ADGRB2: variants seen among roughly 807,000 people sequenced by gnomAD.
ADGRB2 encodes adhesion G protein-coupled receptor B2.
A neutral mutation model predicts 178.7 loss-of-function variants in ADGRB2; 47 were observed. That is an observed-to-expected ratio of 0.26 (90% CI 0.21 to 0.34). ADGRB2 has a LOEUF of 0.34. Ranked by LOEUF, ADGRB2 falls within the 10% of genes least tolerant of loss-of-function variation. The pLI is 1.00. For synonymous variants in ADGRB2, 870 were observed against 912.4 expected, an observed-to-expected ratio of 0.95 and a Z score of 0.84; for missense variants, 1,584 against 2,180.8, an observed-to-expected ratio of 0.73 and a Z score of 5.45.
In ADGRB2 at chr1:31,732,542, C is replaced by T; in HGVS notation, c.3695G>A (p.Cys1232Tyr). Reference sequence around the variant, plus strand: ...CAGGATCTGCAGCTGCCCGTTCTTACACGAGTCAGGGGAGTCTTCGCTCTC... The same window carrying T: ...CAGGATCTGCAGCTGCCCGTTCTTATACGAGTCAGGGGAGTCTTCGCTCTC... ...ADESEDSPDSCKNGQLQILSD... is the reference protein window; with the variant it reads ...ADESEDSPDSYKNGQLQILSD... The change falls in exon 27 of 33, where the codon TGT (cysteine) becomes TAT (tyrosine). Residue 1232 changes from cysteine (C) to tyrosine (Y), a missense_variant. Coordinates refer to ENST00000373658, the MANE Select transcript of ADGRB2 (RefSeq NM_001364857.2). 2 of 1,614,194 alleles carry T rather than the reference C, an allele frequency of 1.2e-6. No homozygotes were observed. The highest frequency in any genetic ancestry group is 1.7e-6 in the Non-Finnish European group (2 of 1,180,034).
rs1645415934 is a variant in ADGRB2, at chr1:31,733,637, G to C, written c.3453-494C>G. 6.6e-6 allele frequency among the ~76,000 whole-genome samples: 1 copy of C among 152,126 alleles called. No homozygotes were observed. Among genetic ancestry groups the C allele is most frequent in the Non-Finnish European group, 1.5e-5 (1 of 68,016 alleles). On this transcript the variant is annotated intron_variant, in intron 25 of 32. Transcript: ENST00000373658. This position sits in a 1 kb window ranked among gnomAD's most constrained non-coding sequence, Gnocchi z 4.3. Reference sequence around the variant, plus strand: ...GATTAAACAGGCAGAGCACGCGGGGGACATCCAGAGCACGAATCCTCAGGG... The same window carrying C: ...GATTAAACAGGCAGAGCACGCGGGGCACATCCAGAGCACGAATCCTCAGGG...
chr1:31,749,204 T>C (rs1057228580), intron 4 of ADGRB2, among the ~76,000 whole-genome samples: 2 of 152,172 alleles, frequency 1.3e-5, no homozygotes, highest in Non-Finnish European at 2.9e-5. Flanking sequence ...TTCTCCTCTG[T>C]GTAACCTCCA....
chr1:31,762,409 A>G (rs1401970484), intron 1 of ADGRB2, among the ~76,000 whole-genome samples: 1 of 152,090 alleles, frequency 6.6e-6, no homozygotes, highest in Non-Finnish European at 1.5e-5. Context: ...AACCGACTCC[A>G]TGCGCAAGCC....
rs1646892177 is a variant in ADGRB2 at position 31,757,391 on chromosome 1, T to G, written c.-70A>C. 1 of 894,172 alleles carries G rather than the reference T, an allele frequency of 1.1e-6. No individual in the cohort carries two copies. Among genetic ancestry groups the G allele is most frequent in the Admixed American group, 2.0e-5 (1 of 50,852 alleles). 55.4% of individuals were successfully genotyped at this position (894,172 alleles called of 1,614,324 possible). On this transcript the variant is annotated 5_prime_UTR_variant, in exon 2 of 33. Transcript: ENST00000373658. ...TGTCATTCTCACTCACTTGCTTTACTGAGAGGGAGAGAAAGGGGCGGAGTT... is the reference window on the plus strand; with the variant it reads ...TGTCATTCTCACTCACTTGCTTTACGGAGAGGGAGAGAAAGGGGCGGAGTT...
Position 31,764,307 on chromosome 1 carries a change from C to G in ADGRB2, c.-614G>C, listed in dbSNP as rs1254714721. The G allele has an allele frequency of 1.3e-5, 2 of 155,614 alleles. No homozygotes were observed. The highest frequency in any genetic ancestry group is 2.5e-5 in the African/African-American group (1 of 40,750). The allele number at this position is 155,614 out of a possible 1,614,324, so 9.6% of individuals were successfully genotyped here. A position where few individuals can be genotyped will look rare whatever the true frequency, so the allele number is the denominator to read the frequency against. On this transcript the variant is annotated 5_prime_UTR_variant, in exon 1 of 33. Transcript: ENST00000373658. This position sits in a 1 kb window ranked among gnomAD's most constrained non-coding sequence, Gnocchi z 7.3. The stretch of plus-strand genomic sequence containing the variant: ...GCCGAACCCGGTTCCTCCGGCCGCT[C>G]CGGCCGCTGCCCGCAGCGCGCGCCG...
rs377170078 is a variant in ADGRB2 at position 31,742,757 on chromosome 1, G to A, written c.1252+81C>T. ...AAGGGGCCCCCAGGGGCAGGTCACT[G>A]GACCTGACTGCCTCCCCAGGTCTCC... On this transcript the variant is annotated intron_variant, in intron 7 of 32. Coordinates refer to ENST00000373658, the MANE Select transcript of ADGRB2 (RefSeq NM_001364857.2). The A allele has an allele frequency of 3.4e-4, 460 of 1,363,516 alleles. 1 individual carries two copies. The South Asian group carries it at 4.3e-3, about 13-fold the overall frequency. 84.5% of individuals were successfully genotyped at this position (1,363,516 alleles called of 1,614,324 possible). A position where few individuals can be genotyped will look rare whatever the true frequency, so the allele number is the denominator to read the frequency against.
intron 4 of ADGRB2, among the ~76,000 whole-genome samples, chr1:31,747,411 A>C (rs1322857408): frequency 1.3e-5 from 2 of 151,920 alleles, no homozygotes. Flanking sequence ...CTGACCATCA[A>C]ATTCAGCATG....
Position 31,744,846 on chromosome 1 carries a change from T to G in ADGRB2, c.839-115A>C. 1.1e-6 allele frequency: 1 copy of G among 946,544 alleles called. No individual in the cohort carries two copies. 58.6% of individuals were successfully genotyped at this position (946,544 alleles called of 1,614,324 possible). A position where few individuals can be genotyped will look rare whatever the true frequency, so the allele number is the denominator to read the frequency against. On this transcript the variant is annotated intron_variant, in intron 4 of 32. Transcript: ENST00000373658. The surrounding 1 kb of genome is among the most constrained non-coding windows in gnomAD (Gnocchi z 6.7). ...GCCTGAGGGCCTGGAACCAACTGCA[T>G]GATGCTCTCTCAGGATCACATTCTG... is the stretch of plus-strand genomic sequence containing the variant.
At chr1:31,762,121 A>T (rs1647057143) in intron 1 of ADGRB2, among the ~76,000 whole-genome samples, 1 of 152,194 alleles carries the variant, frequency 6.6e-6, no homozygotes, top group Non-Finnish European at 1.5e-5. Flanking sequence ...TTTGTGTTAC[A>T]GAAATGCAGA....
chr1:31,735,304 G>T lies in ADGRB2; in HGVS notation c.3354-23C>A, dbSNP rs964369364. Reference sequence around the variant, plus strand: ...GACCTCGGGGGCGGCACAGACATGGGAGAAGGAGGGGAAACACATGGGAAG... The same window carrying T: ...GACCTCGGGGGCGGCACAGACATGGTAGAAGGAGGGGAAACACATGGGAAG... On this transcript the variant is annotated intron_variant, in intron 24 of 32. Transcript: ENST00000373658. This position sits in a 1 kb window ranked among gnomAD's most constrained non-coding sequence, Gnocchi z 6.0. The T allele has an allele frequency of 2.7e-6, 4 of 1,465,364 alleles. No homozygotes were observed. The Admixed American group carries it at 6.3e-5, about 23-fold the overall frequency. 90.8% of individuals were successfully genotyped at this position (1,465,364 alleles called of 1,614,324 possible). A position where few individuals can be genotyped will look rare whatever the true frequency, so the allele number is the denominator to read the frequency against.
chr1:31,729,939 G>A (rs1645191495), intron 29 of ADGRB2, among the ~76,000 whole-genome samples: 1 of 152,226 alleles, frequency 6.6e-6, no homozygotes, highest in Non-Finnish European at 1.5e-5. Context: ...CTAAACTTGT[G>A]AGCCCCGTAG....
chr1:31,757,969 G>A (rs1268784484), intron 1 of ADGRB2, among the ~76,000 whole-genome samples: 1 of 152,184 alleles, frequency 6.6e-6, no homozygotes, highest in Non-Finnish European at 1.5e-5. Context: ...AGTCAGGCCA[G>A]AGTGGGTAAG....
rs375677565 is a variant in ADGRB2, at chr1:31,738,239, C to T, written c.2733G>A (p.Leu911=). 79 of 1,614,000 alleles carry T rather than the reference C, an allele frequency of 4.9e-5. No homozygotes were observed. Among genetic ancestry groups the T allele is most frequent in the Non-Finnish European group, 6.3e-5 (74 of 1,180,022 alleles). The change falls in exon 18 of 33, where the codon CTG becomes CTA. Residue 911 remains leucine (L), a synonymous_variant. Coordinates refer to ENST00000373658, the MANE Select transcript of ADGRB2 (RefSeq NM_001364857.2). ...AAHTRCQCQH[L]STFAVLAQPP... ...GCTGGGCTAGTACAGCAAAGGTGGA[C>T]AGGTGCTGGCACTGGCAGCGGGTGT... is the stretch of plus-strand genomic sequence containing the variant.
Position 31,742,986 on chromosome 1 carries a change from C to T in ADGRB2, c.1104G>A (p.Glu368=), listed in dbSNP as rs940107282. ...AGCACAGGCTCCAGGACCCCCACTC[C>T]TCCCACACGCCGTGCACTGCAAGGA... ...SATCPVHGVW[E]EWGSWSLCSR... The change falls in exon 7 of 33, where the codon GAG becomes GAA. Residue 368 remains glutamate, a synonymous_variant. Transcript: ENST00000373658. 6.6e-7 allele frequency: 1 copy of T among 1,519,122 alleles called. No homozygotes were observed. The highest frequency in any genetic ancestry group is 8.8e-7 in the Non-Finnish European group (1 of 1,130,994). The allele number at this position is 1,519,122 out of a possible 1,614,324, so 94.1% of individuals were successfully genotyped here. A position where few individuals can be genotyped will look rare whatever the true frequency, so the allele number is the denominator to read the frequency against.
chr1:31,736,772 C>A, intron 20 of ADGRB2, 49 bp from the exon 21 acceptor site: 1 of 1,579,904 alleles, frequency 6.3e-7, no homozygotes, highest in Non-Finnish European at 8.6e-7. Flanking sequence ...GCCGCCAGGG[C>A]AGGAGGCGCC....
intron 14 of ADGRB2, 50 bp from the exon 15 acceptor site, chr1:31,739,685 G>C (rs747403822): frequency 1.3e-6 from 2 of 1,531,446 alleles, no homozygotes; most frequent in Non-Finnish European, 1.8e-6. Context: ...CAGAAACAAA[G>C]GGTGGCAGAC....
rs1361322402 is a variant in ADGRB2 at position 31,739,141 on chromosome 1, G to C, written c.2495+167C>G. On this transcript the variant is annotated intron_variant, in intron 15 of 32. Coordinates refer to ENST00000373658, the MANE Select transcript of ADGRB2 (RefSeq NM_001364857.2). ...GGTGGCAGCCCAGCCTCTGAGAGCA[G>C]TATGGATAAATTTGAGAAGCATGTG... The C allele has an allele frequency of 3.3e-6, 3 of 908,422 alleles. No homozygotes were observed. In the African/African-American group the frequency reaches 5.1e-5, roughly 15 times the overall value. 56.3% of individuals were successfully genotyped at this position (908,422 alleles called of 1,614,324 possible).
rs1303406955 is a variant in ADGRB2, at chr1:31,735,187, C to T, written c.3448G>A (p.Ala1150Thr). 4.3e-6 allele frequency: 6 copies of T among 1,380,230 alleles called. No homozygotes were observed. In the African/African-American group the frequency reaches 4.4e-5, roughly 10 times the overall value. 85.5% of individuals were successfully genotyped at this position (1,380,230 alleles called of 1,614,324 possible). Reference protein sequence around the residue: ...PLLSSASARNAMASLWSSCVV... With the variant: ...PLLSSASARNTMASLWSSCVV... The stretch of plus-strand genomic sequence containing the variant: ...CCCCCAGGGGGCACGACTAACATGG[C>T]GTTCCTGGCCGAGGCTGAGCTGAGC... The change falls in exon 25 of 33, where the codon GCC (alanine) becomes ACC (threonine). Residue 1150 changes from alanine to threonine, a missense_variant. Around this residue, in one of 3 missense-constraint regions of ADGRB2, gnomAD observed 865 missense variants for 1,192.8 expected, o/e 0.73. Transcript: ENST00000373658. This position sits in a 1 kb window ranked among gnomAD's most constrained non-coding sequence, Gnocchi z 6.0.
At position 31,740,895 on chromosome 1, in the gene ADGRB2, G is replaced by GCGCACACA. The variant is rs1553185114; in HGVS notation, c.1795-355_1795-354insTGTGTGCG. Among the ~76,000 whole-genome samples the GCGCACACA allele has an allele frequency of 0.012, 1,641 of 140,464 alleles. 15 individuals carry two copies. The highest frequency in any genetic ancestry group is 0.017 in the African/African-American group (656 of 37,546). 92.1% of individuals were successfully genotyped at this position (140,464 alleles called of 152,430 possible). On this transcript the variant is annotated intron_variant, in intron 11 of 32. Coordinates refer to ENST00000373658, the MANE Select transcript of ADGRB2 (RefSeq NM_001364857.2). This position sits in a 1 kb window ranked among gnomAD's most constrained non-coding sequence, Gnocchi z 5.9. ...AATGAGCATGTGTGTGGGCGCGCGC[G>GCGCACACA]CACACACACACACACACACACACAC... is the stretch of plus-strand genomic sequence containing the variant.
Sources: gnomAD v4.1 joint callset for allele counts (sites outside exome capture counted in the v4.1 genomes callset) on GRCh38, gnomAD v4.1.1 for gene constraint, gnomAD v4.1.1 regional missense constraint, Gnocchi (gnomAD v3.1) non-coding constraint, MANE v1.5 for transcripts, NCBI Gene and HGNC (gene_info 2026-07-23, HGNC 2026-07-21) for gene names.